The following TBC1D9 variants were observed in gnomAD, a reference collection of about 807,000 sequenced individuals.
TBC1D9 encodes the protein TBC1 domain family member 9A.
A neutral mutation model predicts 132.0 loss-of-function variants in TBC1D9; 63 were observed. That is an observed-to-expected ratio of 0.48 (90% confidence interval 0.39 to 0.59). The LOEUF (loss-of-function observed/expected upper bound fraction) is 0.59, where lower values mean the gene tolerates loss of function less well. TBC1D9 is among the 20% of genes least tolerant of loss of function. TBC1D9 has a pLI of 0.00. For missense variants in TBC1D9, 1,261 were observed against 1,592.7 expected (o/e 0.79, Z 3.54); for synonymous variants, 610 against 609.9 (o/e 1.00, Z 0.00).
Position 140,667,115 on chromosome 4 carries a change from G to A in TBC1D9, c.1588+1802C>T, listed in dbSNP as rs568592613. On this transcript the variant is annotated intron_variant, in intron 9 of 20. Coordinates refer to ENST00000442267, the MANE Select transcript of TBC1D9 (RefSeq NM_015130.3). ...CCTAAGGGTCACAGGAAGCAGGTGAGACCCAAGTTGGGCTCTGGCCTGGAG... is the reference window on the plus strand; with the variant it reads ...CCTAAGGGTCACAGGAAGCAGGTGAAACCCAAGTTGGGCTCTGGCCTGGAG... Among the ~76,000 whole-genome samples, 13 of 152,330 alleles carry A rather than the reference G, an allele frequency of 8.5e-5. 1 individual carries two copies. The East Asian group carries it at 2.3e-3, about 27-fold the overall frequency.
intron 6 of TBC1D9, among the ~76,000 whole-genome samples, chr4:140,672,161 G>A (rs1330517762): frequency 6.6e-6 from 1 of 151,254 alleles, no homozygotes; most frequent in Non-Finnish European, 1.5e-5. Flanking sequence ...GAATATATGT[G>A]TTAGAGTATA....
chr4:140,643,147 C>G, intron 13 of TBC1D9: 1 of 1,440,250 alleles, frequency 6.9e-7, no homozygotes, highest in Non-Finnish European at 9.5e-7. Context: ...TCCAGCACCT[C>G]CCTCAGCATG....
chr4:140,624,474 T>C (rs1423998169), intron 18 of TBC1D9, 86 bp from the exon 19 acceptor site: 4 of 1,200,968 alleles, frequency 3.3e-6, no homozygotes, highest in Non-Finnish European at 4.7e-6. Context: ...AATAGAAGAC[T>C]CTCTAAGTAG....
At position 140,712,748 on chromosome 4, in the gene TBC1D9, AATAGATAGATAG is replaced by A. The variant is rs58318321; in HGVS notation, c.131-11146_131-11135del. On this transcript the variant is annotated intron_variant, in intron 1 of 20. Coordinates refer to ENST00000442267, the MANE Select transcript of TBC1D9 (RefSeq NM_015130.3). The stretch of plus-strand genomic sequence containing the variant: ...AGAGAGTGAGACTCCATCTCAAAAA[AATAGATAGATAG>A]ATAGATAGATAGATAGATAGATAGA... Among the ~76,000 whole-genome samples the A allele has an allele frequency of 1.5e-3, 216 of 146,376 alleles. 2 individuals carry two copies. The highest frequency in any genetic ancestry group is 3.5e-3 in the Middle Eastern group (1 of 288).
At chr4:140,667,749 G>T (rs1261158963) in intron 9 of TBC1D9, among the ~76,000 whole-genome samples, 3 of 151,718 alleles carry the variant, frequency 2.0e-5, no homozygotes, top group Non-Finnish European at 4.4e-5. Flanking sequence ...AAGAAAGAAG[G>T]AAAGAAAAAT....
chr4:140,624,291 C>T (rs1476784914), intron 19 of TBC1D9, 23 bp downstream of exon 19: 1 of 1,612,464 alleles, frequency 6.2e-7, no homozygotes, highest in Non-Finnish European at 8.5e-7. Flanking sequence ...AGAAGGTAAA[C>T]ATATAGAAGA....
chr4:140,623,990 A>T (rs1736665272), intron 20 of TBC1D9, 126 bp downstream of exon 20: 3 of 712,668 alleles, frequency 4.2e-6, no homozygotes, highest in Non-Finnish European at 4.4e-6. Context: ...GTCCAAATGG[A>T]TACTAAGTAA....
rs574240516 is a variant in TBC1D9, at chr4:140,728,789, A to C, written c.130+27127T>G. On this transcript the variant is annotated intron_variant, in intron 1 of 20. Coordinates refer to ENST00000442267, the MANE Select transcript of TBC1D9 (RefSeq NM_015130.3). ...GCGATCCCCCTTCCTCAGCCTCTCAAGTAGCTGGGACTACAGGTGTGCGCC... is the reference window on the plus strand; with the variant it reads ...GCGATCCCCCTTCCTCAGCCTCTCACGTAGCTGGGACTACAGGTGTGCGCC... 3.9e-4 allele frequency among the ~76,000 whole-genome samples: 59 copies of C among 152,192 alleles called. 1 individual carries two copies. Among genetic ancestry groups the C allele is most frequent in the Middle Eastern group, 3.4e-3 (1 of 294 alleles).
chr4:140,750,401 G>T (rs1738906378), intron 1 of TBC1D9, among the ~76,000 whole-genome samples: 1 of 151,678 alleles, frequency 6.6e-6, no homozygotes, highest in Admixed American at 6.6e-5. Flanking sequence ...ATAAAAAGAA[G>T]AATTTACAGA....
chr4:140,627,822 C>T (rs1405630311), intron 17 of TBC1D9, among the ~76,000 whole-genome samples: 1 of 152,180 alleles, frequency 6.6e-6, no homozygotes, highest in African/African-American at 2.4e-5. Flanking sequence ...TTTTAGGAAA[C>T]TGTACGCTAT....
chr4:140,663,987 G>C (rs1167749951), intron 9 of TBC1D9, among the ~76,000 whole-genome samples: 2 of 141,776 alleles, frequency 1.4e-5, no homozygotes, highest in African/African-American at 5.3e-5. Flanking sequence ...TTGTATACTT[G>C]AAATTTGCTA....
intron 2 of TBC1D9, among the ~76,000 whole-genome samples, chr4:140,700,460 CA>C (rs72482108): frequency 1.4e-5 from 2 of 146,782 alleles, no homozygotes; most frequent in Admixed American, 6.8e-5. Flanking sequence ...AAAAAAAAAA[CA>C]AAAAAAAACT....
intron 1 of TBC1D9, among the ~76,000 whole-genome samples, chr4:140,744,712 C>T (rs753145787): frequency 6.6e-6 from 1 of 151,670 alleles, no homozygotes; most frequent in African/African-American, 2.4e-5. Flanking sequence ...AGTGAAACCC[C>T]GTCCCTACTA....
intron 1 of TBC1D9, among the ~76,000 whole-genome samples, chr4:140,731,678 C>CA (rs1218347011): frequency 6.6e-6 from 1 of 151,142 alleles, no homozygotes; most frequent in East Asian, 1.9e-4. Context: ...TACACACACA[C>CA]ACACACACAC....
At chr4:140,629,183 G>T (rs1204615535) in intron 16 of TBC1D9, among the ~76,000 whole-genome samples, 5 of 152,140 alleles carry the variant, frequency 3.3e-5, no homozygotes, top group African/African-American at 4.8e-5. Flanking sequence ...CTCAAAGATG[G>T]GGAACTCAAT....
At chr4:140,699,757 C>A (rs1050670005) in intron 2 of TBC1D9, among the ~76,000 whole-genome samples, 6 of 152,052 alleles carry the variant, frequency 3.9e-5, no homozygotes, top group Admixed American at 1.3e-4. Flanking sequence ...TCTGAACAAA[C>A]AATGGACTTT....
intron 13 of TBC1D9, 129 bp downstream of exon 13, chr4:140,656,968 C>G (rs958850512): frequency 1.5e-5 from 18 of 1,240,536 alleles, no homozygotes; most frequent in Non-Finnish European, 2.0e-5. Context: ...GTCCCAAAGT[C>G]TAGAACTGAG....
intron 3 of TBC1D9, 127 bp downstream of exon 3, chr4:140,686,217 G>C (rs544478501): frequency 1.7e-6 from 1 of 599,792 alleles, no homozygotes; most frequent in Non-Finnish European, 2.9e-6. Flanking sequence ...AGCAAATGCA[G>C]TAAAATGTTA....
intron 13 of TBC1D9, among the ~76,000 whole-genome samples, chr4:140,653,667 C>T (rs950252114): frequency 6.6e-6 from 1 of 152,164 alleles, no homozygotes; most frequent in Non-Finnish European, 1.5e-5. Flanking sequence ...GTGGTGTTCT[C>T]TTTAAGTTGA....
Sources: allele counts gnomAD v4.1 joint callset (sites outside exome capture counted in the v4.1 genomes callset), GRCh38; gene constraint gnomAD v4.1.1; transcripts MANE v1.5; gene names NCBI Gene and HGNC (gene_info 2026-07-23, HGNC 2026-07-21).